MAPK14: variants seen among roughly 807,000 people sequenced by gnomAD.
The protein encoded by MAPK14 is CSAID-binding protein.
In MAPK14, 16 loss-of-function variants were observed where a neutral mutation model predicts 49.6. That is an observed-to-expected ratio of 0.32 (90% CI 0.22 to 0.49). The LOEUF (loss-of-function observed/expected upper bound fraction) is 0.49, where lower values mean the gene tolerates loss of function less well. Ranked by LOEUF, MAPK14 falls within the 20% of genes least tolerant of loss-of-function variation. The pLI is 0.99. For synonymous variants in MAPK14, 142 were observed against 158.0 expected, an observed-to-expected ratio of 0.90 and a Z score of 0.76; for missense variants, 200 against 441.2, an observed-to-expected ratio of 0.45 and a Z score of 4.90.
At chr6:36,071,985 C>T (rs2127440338) in intron 3 of MAPK14, among the ~76,000 whole-genome samples, 1 of 152,218 alleles carries the variant, frequency 6.6e-6, no homozygotes, top group African/African-American at 2.4e-5. Flanking sequence ...AAAGCTTGGC[C>T]TGGTTTCTTT....
chr6:36,053,994 C>T (rs886168115), intron 2 of MAPK14, among the ~76,000 whole-genome samples: 1 of 152,080 alleles, frequency 6.6e-6, no homozygotes, highest in African/African-American at 2.4e-5. Context: ...TAGCTATGTG[C>T]AAACCAGAGT....
At chr6:36,091,098 A>G (rs887462186) in intron 8 of MAPK14, among the ~76,000 whole-genome samples, 8 of 152,216 alleles carry the variant, frequency 5.3e-5, no homozygotes, top group African/African-American at 1.7e-4. Context: ...ATTACTGCTC[A>G]TGGCAGGTAG....
At chr6:36,105,549 C>T (rs939399755) in intron 10 of MAPK14, among the ~76,000 whole-genome samples, 1 of 152,100 alleles carries the variant, frequency 6.6e-6, no homozygotes, top group Non-Finnish European at 1.5e-5. Context: ...GTTTCTTTTT[C>T]TAAGAAGAGA....
intron 8 of MAPK14, among the ~76,000 whole-genome samples, chr6:36,077,996 C>T (rs573865594): frequency 9.8e-5 from 15 of 152,316 alleles, no homozygotes; most frequent in Non-Finnish European, 2.2e-4. Flanking sequence ...CCTTCCTCTT[C>T]TTGTGTCTGT....
chr6:36,065,507 G>GGTGTGTGTGTGTGC (rs1764014237), intron 3 of MAPK14, among the ~76,000 whole-genome samples: 1 of 122,454 alleles, frequency 8.2e-6, no homozygotes, highest in Non-Finnish European at 1.7e-5. Context: ...GGGCAGAAAA[G>GGTGTGTGTGTGTGC]GTGTGTGTGT....
At chr6:36,117,875 A>G in the MAPK14 span, among the ~76,000 whole-genome samples, 1 of 152,230 alleles carries the variant, frequency 6.6e-6, no homozygotes, top group Non-Finnish European at 1.5e-5. Context: ...GAGTCCATAA[A>G]TGACTGTCAG....
At chr6:36,072,345 A>G (rs1466458289) in intron 3 of MAPK14, among the ~76,000 whole-genome samples, 3 of 152,120 alleles carry the variant, frequency 2.0e-5, no homozygotes, top group African/African-American at 7.2e-5. Flanking sequence ...AAAGAAAAGT[A>G]AAAGAATAGC....
chr6:36,038,395 G>A (rs1217070133), intron 1 of MAPK14, among the ~76,000 whole-genome samples: 3 of 152,174 alleles, frequency 2.0e-5, no homozygotes, highest in Non-Finnish European at 4.4e-5. Context: ...GTGGGGTGAG[G>A]AGAGGGTTGC....
rs201952888 is a variant in MAPK14 at position 36,108,577 on chromosome 6, C to T, written c.*130C>T. ...TCCATGGTGGAAGGGGGTGTGCGTG[C>T]GTGTGCGTGCGTGTTAGTGTGTGTG... On this transcript the variant is annotated 3_prime_UTR_variant, in exon 12 of 12. Coordinates refer to ENST00000229794, the MANE Select transcript of MAPK14 (RefSeq NM_139012.3). 1.2e-5 allele frequency: 6 copies of T among 514,918 alleles called. No individual in the cohort carries two copies. Among genetic ancestry groups the T allele is most frequent in the South Asian group, 8.9e-5 (4 of 45,138 alleles). The allele number at this position is 514,918 out of a possible 1,614,324, so 31.9% of individuals were successfully genotyped here.
intron 8 of MAPK14, among the ~76,000 whole-genome samples, chr6:36,078,923 C>G (rs551771287): frequency 6.6e-6 from 1 of 152,312 alleles, no homozygotes; most frequent in Non-Finnish European, 1.5e-5. Flanking sequence ...CATAGTGTGT[C>G]AGAATCACTT....
chr6:36,043,123 C>CA (rs113941131), intron 1 of MAPK14, among the ~76,000 whole-genome samples: 20,269 of 140,314 alleles, frequency 0.14, 1,680 homozygotes, highest in African/African-American at 0.25. Context: ...GACCCCGTCT[C>CA]AAAAAAAAAA....
chr6:36,091,227 C>T (rs1765215201), intron 8 of MAPK14, among the ~76,000 whole-genome samples: 1 of 151,950 alleles, frequency 6.6e-6, no homozygotes. Context: ...CTAGAAATAT[C>T]CTGTTATGCT....
At chr6:36,096,156 A>T in intron 9 of MAPK14, 90 bp downstream of exon 9, 1 of 873,534 alleles carries the variant, frequency 1.1e-6, no homozygotes, top group Non-Finnish European at 1.9e-6. Context: ...GTGTGTTTGT[A>T]AGCACACATG....
intron 8 of MAPK14, among the ~76,000 whole-genome samples, chr6:36,091,537 G>A (rs770920061): frequency 7.9e-5 from 12 of 152,162 alleles, no homozygotes; most frequent in Non-Finnish European, 1.5e-4. Context: ...GCTTTACTCC[G>A]CTAATGTGGC....
chr6:36,098,703 T>C lies in MAPK14; in HGVS notation c.762+2637T>C, dbSNP rs529383213. On this transcript the variant is annotated intron_variant, in intron 9 of 11. Transcript: ENST00000229794. ...CAGAAAATGTGCAGGCCAGGTATCA[T>C]TCACAGAAAGAAAGGGGAAGTGGAG... Among the ~76,000 whole-genome samples the C allele has an allele frequency of 3.3e-5, 5 of 152,300 alleles. No homozygotes were observed. The South Asian group carries it at 1.0e-3, about 32-fold the overall frequency.
Position 36,072,911 on chromosome 6 carries a change from A to G in MAPK14, c.344A>G (p.Asn115Ser). ...VTHLMGADLNNIVKCQKLTDD... is the reference protein window; with the variant it reads ...VTHLMGADLNSIVKCQKLTDD... ...CATCTCATGGGGGCAGATCTGAACA[A>G]CATTGTGAAATGTCAGAAGCTTACA... Residue 115 changes from asparagine to serine, a missense_variant, in exon 4 of 12, where the codon AAC (asparagine) becomes AGC (serine). Asn to Ser is a conservative substitution (Grantham distance 46, BLOSUM62 1). This residue lies in a region of MAPK14 where 170 missense variants were observed against 407.0 expected (regional missense o/e 0.42). Transcript: ENST00000229794. 6.2e-7 allele frequency: 1 copy of G among 1,613,382 alleles called. No individual in the cohort carries two copies. Among genetic ancestry groups the G allele is most frequent in the African/African-American group, 1.3e-5 (1 of 75,014 alleles).
intron 8 of MAPK14, among the ~76,000 whole-genome samples, chr6:36,095,199 A>G (rs971198309): frequency 6.6e-6 from 1 of 152,246 alleles, no homozygotes; most frequent in African/African-American, 2.4e-5. Flanking sequence ...AGTGTTAGCT[A>G]CCAGGATAAA....
chr6:36,047,387 C>G (rs1416396260), intron 1 of MAPK14, among the ~76,000 whole-genome samples: 1 of 152,142 alleles, frequency 6.6e-6, no homozygotes. Flanking sequence ...CAGAACATAG[C>G]AGCTGAGAGA....
intron 1 of MAPK14, among the ~76,000 whole-genome samples, chr6:36,033,564 C>T (rs1351303816): frequency 1.3e-5 from 2 of 152,212 alleles, no homozygotes; most frequent in African/African-American, 4.8e-5. Flanking sequence ...ATCTGCCCAC[C>T]TTGGCCTCCC....
Sources: allele counts gnomAD v4.1 joint callset (sites outside exome capture counted in the v4.1 genomes callset), GRCh38; gene constraint gnomAD v4.1.1; regional missense constraint gnomAD v4.1.1; transcripts MANE v1.5; gene names NCBI Gene and HGNC (gene_info 2026-07-23, HGNC 2026-07-21).